FRMD4A: variants seen among roughly 807,000 people sequenced by gnomAD.
FRMD4A encodes FERM domain-containing protein 4A.
Under a neutral mutation model 129.1 loss-of-function variants are expected in FRMD4A, and 29 were observed. The observed-to-expected ratio is 0.22, with a 90% confidence interval of 0.17 to 0.31. FRMD4A has a LOEUF of 0.31. FRMD4A is among the 10% of genes least tolerant of loss of function. The pLI is 1.00. For synonymous variants in FRMD4A, 634 were observed against 571.6 expected (o/e 1.11, Z -1.56); for missense variants, 1,272 against 1,375.8 (o/e 0.92, Z 1.19).
In FRMD4A at chr10:14,321,055, G is replaced by A. The variant is rs114910052; in HGVS notation, c.45+9003C>T. On this transcript the variant is annotated intron_variant, in intron 2 of 24. Transcript: ENST00000357447. Reference sequence around the variant, plus strand: ...TAGTTCTTCTATTTATTTTCAATGTGTTATTTTTATTTTTATTTTTGTCTT... The same window carrying A: ...TAGTTCTTCTATTTATTTTCAATGTATTATTTTTATTTTTATTTTTGTCTT... Among the ~76,000 whole-genome samples, 1,298 of 152,264 alleles carry A rather than the reference G, an allele frequency of 8.5e-3. 15 individuals are homozygous for A. The highest frequency in any genetic ancestry group is 0.03 in the African/African-American group (1,239 of 41,562).
At chr10:14,143,268 G>A (rs1306504314) in intron 2 of FRMD4A, among the ~76,000 whole-genome samples, 1 of 152,178 alleles carries the variant, frequency 6.6e-6, no homozygotes. Flanking sequence ...ACAAAACATG[G>A]TATATACATA....
intron 2 of FRMD4A, among the ~76,000 whole-genome samples, chr10:14,057,595 A>C (rs866178735): frequency 1.3e-5 from 2 of 149,648 alleles, no homozygotes; most frequent in African/African-American, 4.9e-5. Context: ...TTCGAGATGG[A>C]GATTCACACT....
chr10:13,976,326 G>A (rs1039132539), intron 2 of FRMD4A, among the ~76,000 whole-genome samples: 1 of 152,164 alleles, frequency 6.6e-6, no homozygotes, highest in African/African-American at 2.4e-5. Context: ...GAGGGAGGCA[G>A]GTGTTGCTGA....
chr10:14,169,119 A>T (rs143577673), intron 2 of FRMD4A, among the ~76,000 whole-genome samples: 152,237 of 152,238 alleles, frequency 1, 76,118 homozygotes, highest in Middle Eastern at 1. Flanking sequence ...TGGAAAAATT[A>T]AACATAAAAA....
At chr10:13,774,461 C>T (rs1239029746) in intron 6 of FRMD4A, among the ~76,000 whole-genome samples, 1 of 152,144 alleles carries the variant, frequency 6.6e-6, no homozygotes, top group Non-Finnish European at 1.5e-5. Context: ...ATGAAGTGGA[C>T]CGGAAGTGCA....
intron 2 of FRMD4A, among the ~76,000 whole-genome samples, chr10:14,291,797 T>TA (rs1845856981): frequency 6.6e-6 from 1 of 151,726 alleles, no homozygotes; most frequent in East Asian, 1.9e-4. Context: ...CATAGTAAGA[T>TA]AAAAAACTAT....
At chr10:13,715,263 G>A (rs2088668220) in intron 12 of FRMD4A, among the ~76,000 whole-genome samples, 1 of 152,074 alleles carries the variant, frequency 6.6e-6, no homozygotes, top group African/African-American at 2.4e-5. Flanking sequence ...TCTCTAAAAC[G>A]AGGGGGTGTG....
chr10:13,891,287 T>C (rs2131163527), intron 2 of FRMD4A, among the ~76,000 whole-genome samples: 1 of 152,006 alleles, frequency 6.6e-6, no homozygotes, highest in African/African-American at 2.4e-5. Context: ...CCCCTGGCAC[T>C]CTCAGAAAAT....
At chr10:13,804,257 A>C (rs1434027106) in intron 4 of FRMD4A, among the ~76,000 whole-genome samples, 1 of 152,208 alleles carries the variant, frequency 6.6e-6, no homozygotes, top group Non-Finnish European at 1.5e-5. Context: ...ACCTATTTCC[A>C]AATAAATTGC....
At chr10:14,159,435 G>A (rs1246380684) in intron 2 of FRMD4A, among the ~76,000 whole-genome samples, 1 of 152,036 alleles carries the variant, frequency 6.6e-6, no homozygotes, top group Non-Finnish European at 1.5e-5. Context: ...CCTCTACAAA[G>A]AAAACTATAA....
intron 2 of FRMD4A, among the ~76,000 whole-genome samples, chr10:14,226,268 G>A (rs1330595986): frequency 6.6e-6 from 1 of 152,092 alleles, no homozygotes; most frequent in Non-Finnish European, 1.5e-5. Context: ...ATGTGCAGAG[G>A]ACTCCTCAGT....
At chr10:13,667,087 T>A (rs1199433272) in intron 17 of FRMD4A, among the ~76,000 whole-genome samples, 1 of 152,076 alleles carries the variant, frequency 6.6e-6, no homozygotes, top group Non-Finnish European at 1.5e-5. Context: ...AACTTTTGTA[T>A]TTTTAGTAGA....
At chr10:13,900,425 A>C (rs2094806339) in intron 2 of FRMD4A, among the ~76,000 whole-genome samples, 1 of 152,226 alleles carries the variant, frequency 6.6e-6, no homozygotes. Flanking sequence ...TTCCTGAAAC[A>C]CAGACAAGAA....
At chr10:14,006,409 C>T (rs1283760129) in intron 2 of FRMD4A, among the ~76,000 whole-genome samples, 1 of 152,202 alleles carries the variant, frequency 6.6e-6, no homozygotes, top group African/African-American at 2.4e-5. Context: ...GTGTATGATA[C>T]TATATTCCCA....
chr10:13,675,057 A>C lies in FRMD4A; in HGVS notation c.1118-13T>G. ...GATTCCTGAGAACCTGTCGATAAAC[A>C]GTGGGGTTACTTGGCCAGCTGACAG... On this transcript the variant is annotated splice_polypyrimidine_tract_variant and intron_variant, in intron 15 of 24. Transcript: ENST00000357447. The C allele has an allele frequency of 6.2e-7, 1 of 1,610,642 alleles. No individual in the cohort carries two copies. Among genetic ancestry groups the C allele is most frequent in the African/African-American group, 1.3e-5 (1 of 75,016 alleles).
At chr10:13,745,485 C>T (rs915869125) in intron 9 of FRMD4A, among the ~76,000 whole-genome samples, 4 of 152,020 alleles carry the variant, frequency 2.6e-5, no homozygotes, top group Non-Finnish European at 5.9e-5. Context: ...CTGGCCTGGT[C>T]GTGATGGTAT....
At chr10:13,994,445 G>T (rs1473675095) in intron 2 of FRMD4A, among the ~76,000 whole-genome samples, 1 of 151,904 alleles carries the variant, frequency 6.6e-6, no homozygotes, top group Non-Finnish European at 1.5e-5. Context: ...CCAAAGTACT[G>T]GGATTACAGG....
chr10:13,671,057 T>C (rs2083469523), intron 16 of FRMD4A, among the ~76,000 whole-genome samples: 1 of 152,144 alleles, frequency 6.6e-6, no homozygotes, highest in African/African-American at 2.4e-5. Context: ...GAAAAGTGCA[T>C]AGATAAATAA....
chr10:14,211,743 G>A (rs12571343), intron 2 of FRMD4A, among the ~76,000 whole-genome samples: 44,844 of 152,054 alleles, frequency 0.29, 6,880 homozygotes, highest in Admixed American at 0.35. Flanking sequence ...TCCTCGAAGC[G>A]TTTGAGGCTG....
Sources: gnomAD v4.1 joint callset for allele counts (sites outside exome capture counted in the v4.1 genomes callset) on GRCh38, gnomAD v4.1.1 for gene constraint, MANE v1.5 for transcripts, NCBI Gene and HGNC (gene_info 2026-07-23, HGNC 2026-07-21) for gene names.